The following ULK2 variants were observed in gnomAD, a reference collection of about 807,000 sequenced individuals.
ULK2 encodes unc-51 like autophagy activating kinase 2, also known as serine/threonine-protein kinase ULK2.
A neutral mutation model predicts 127.5 loss-of-function variants in ULK2; 76 were observed. The ratio of observed to expected loss-of-function variants is 0.60; its 90% CI spans 0.50 to 0.72. ULK2 has a LOEUF of 0.72. ULK2 is among the 30% of genes least tolerant of loss of function. ULK2 has a pLI of 0.00. For missense variants in ULK2, 1,144 were observed against 1,295.9 expected (o/e 0.88, Z 1.80); for synonymous variants, 452 against 461.9 (o/e 0.98, Z 0.28).
intron 2 of ULK2, among the ~76,000 whole-genome samples, chr17:19,865,280 T>G (rs281343): frequency 0.039 from 5,970 of 152,250 alleles, 308 homozygotes; most frequent in East Asian, 0.24. Context: ...CTCAACCATC[T>G]TCTCAAACCA....
chr17:19,857,829 C>G (rs752870188), intron 3 of ULK2, among the ~76,000 whole-genome samples: 2 of 152,176 alleles, frequency 1.3e-5, no homozygotes, highest in African/African-American at 2.4e-5. Flanking sequence ...ACACTATGCT[C>G]TCGCTCTCAT....
At chr17:19,858,243 T>C (rs894434437) in intron 3 of ULK2, among the ~76,000 whole-genome samples, 5 of 151,584 alleles carry the variant, frequency 3.3e-5, no homozygotes, top group African/African-American at 4.8e-5. Flanking sequence ...CTACAAAAAA[T>C]AGAAAAATTA....
intron 24 of ULK2, 135 bp from the exon 25 acceptor site, chr17:19,780,764 T>C (rs1369711419): frequency 5.5e-6 from 6 of 1,084,796 alleles, no homozygotes; most frequent in East Asian, 5.2e-5. Context: ...AGAAATAGGA[T>C]TTTTTCATGT....
At chr17:19,780,181 A>G (rs2086889769) in intron 25 of ULK2, among the ~76,000 whole-genome samples, 1 of 152,036 alleles carries the variant, frequency 6.6e-6, no homozygotes, top group African/African-American at 2.4e-5. Flanking sequence ...CAAGAAAAAA[A>G]AAAAAAGAAA....
At chr17:19,780,427 A>G (rs1167077381) in intron 25 of ULK2, 45 bp downstream of exon 25, 6 of 1,486,710 alleles carry the variant, frequency 4.0e-6, no homozygotes, top group Non-Finnish European at 4.5e-6. Flanking sequence ...AAAGACACTT[A>G]AAGATAAGTA....
In ULK2 at chr17:19,778,822, G is replaced by T. The variant is rs115380180; in HGVS notation, c.2917-1106C>A. ...TAAAGCAAATAAAATGGATACAGAA[G>T]ATCAGAGCCAGGACAAGGAAAAAGA... On this transcript the variant is annotated intron_variant, in intron 25 of 26. Coordinates refer to ENST00000395544, the MANE Select transcript of ULK2 (RefSeq NM_014683.4). Among the ~76,000 whole-genome samples the T allele has an allele frequency of 7.8e-3, 1,186 of 152,164 alleles. 21 individuals carry two copies. The highest frequency in any genetic ancestry group is 0.026 in the African/African-American group (1,097 of 41,506).
In ULK2 at chr17:19,826,184, CT is replaced by C; in HGVS notation, c.789del (p.Ala264HisfsTer13). 6.9e-7 allele frequency: 1 copy of C among 1,452,716 alleles called. No individual in the cohort carries two copies. The highest frequency in any genetic ancestry group is 1.4e-5 in the African/African-American group (1 of 70,448). 90.0% of individuals were successfully genotyped at this position (1,452,716 alleles called of 1,614,324 possible). A position where few individuals can be genotyped will look rare whatever the true frequency, so the allele number is the denominator to read the frequency against. On this transcript the variant is annotated frameshift_variant and splice_region_variant, in exon 11 of 27. Coordinates refer to ENST00000395544, the MANE Select transcript of ULK2 (RefSeq NM_014683.4). LOFTEE classifies it high-confidence loss of function. ...TCAAGAAAAGGATGGCTAAAAAATG[CT>C]TCTGTAACAAGAAATGAGAATGCAA... ...QRNQKDRMDF[E>X]AFFSHPFLEQ...
At chr17:19,816,987 C>G in intron 12 of ULK2, 67 bp from the exon 13 acceptor site, 1 of 1,447,222 alleles carries the variant, frequency 6.9e-7, no homozygotes, top group South Asian at 1.5e-5. Flanking sequence ...AGTGACTAGA[C>G]TAAGGAATTT....
At chr17:19,817,721 T>C (rs1378363225) in intron 12 of ULK2, among the ~76,000 whole-genome samples, 1 of 152,220 alleles carries the variant, frequency 6.6e-6, no homozygotes, top group Non-Finnish European at 1.5e-5. Flanking sequence ...AAGCCCCTAT[T>C]AACCTGTTTC....
chr17:19,814,449 T>TGTTGTTGTTGTTG (rs1567696658), intron 13 of ULK2, among the ~76,000 whole-genome samples: 1 of 52,890 alleles, frequency 1.9e-5, no homozygotes, highest in African/African-American at 7.8e-5. Context: ...TTTTTTTTTT[T>TGTTGTTGTTGTTG]TTTTTTTTTT....
At chr17:19,827,774 G>C (rs1006527547) in intron 10 of ULK2, among the ~76,000 whole-genome samples, 1 of 152,092 alleles carries the variant, frequency 6.6e-6, no homozygotes, top group Non-Finnish European at 1.5e-5. Context: ...AACAGGCATG[G>C]TGGCACATGC....
chr17:19,799,325 T>C (rs1041036999), intron 17 of ULK2, among the ~76,000 whole-genome samples, 170 bp downstream of exon 17: 3 of 152,080 alleles, frequency 2.0e-5, no homozygotes, highest in African/African-American at 7.2e-5. Flanking sequence ...AAGGAGGTAG[T>C]AGATTAGCTT....
chr17:19,818,152 C>T (rs2041040260), intron 12 of ULK2, among the ~76,000 whole-genome samples: 1 of 151,952 alleles, frequency 6.6e-6, no homozygotes, highest in South Asian at 2.1e-4. Flanking sequence ...GAAACCCCGT[C>T]TCTACTAAAA....
chr17:19,807,509 A>G (rs1168140504), intron 14 of ULK2, among the ~76,000 whole-genome samples: 2 of 152,210 alleles, frequency 1.3e-5, no homozygotes, highest in Non-Finnish European at 2.9e-5. Context: ...TATATTCCCT[A>G]CATGTACTGA....
chr17:19,818,781 A>G (rs944730502), intron 12 of ULK2, among the ~76,000 whole-genome samples: 1 of 135,846 alleles, frequency 7.4e-6, no homozygotes, highest in South Asian at 2.4e-4. Context: ...TCTCTTCTTC[A>G]TTTCTTTTCT....
At chr17:19,849,876 G>A in intron 3 of ULK2, 102 bp from the exon 4 acceptor site, 1 of 683,478 alleles carries the variant, frequency 1.5e-6, no homozygotes, top group Non-Finnish European at 2.4e-6. Flanking sequence ...ATTAAAACTG[G>A]TAAAATGAAA....
intron 10 of ULK2, among the ~76,000 whole-genome samples, chr17:19,834,084 C>G (rs1389276093): frequency 6.6e-6 from 1 of 152,020 alleles, no homozygotes; most frequent in Admixed American, 6.6e-5. Context: ...GACTCATCAC[C>G]TACTAGGGAA....
intron 3 of ULK2, among the ~76,000 whole-genome samples, chr17:19,855,337 G>C (rs1298375031): frequency 6.6e-6 from 1 of 151,816 alleles, no homozygotes; most frequent in Non-Finnish European, 1.5e-5. Context: ...CCGGGAGGCA[G>C]AGCTTGCAGT....
At chr17:19,790,393 G>A (rs972472211) in intron 20 of ULK2, among the ~76,000 whole-genome samples, 3 of 151,990 alleles carry the variant, frequency 2.0e-5, no homozygotes, top group Non-Finnish European at 2.9e-5. Context: ...CTCCAGCCTG[G>A]GTGACAAGAG....
Sources: allele counts gnomAD v4.1 joint callset (sites outside exome capture counted in the v4.1 genomes callset), GRCh38; gene constraint gnomAD v4.1.1; transcripts MANE v1.5; gene names NCBI Gene and HGNC (gene_info 2026-07-23, HGNC 2026-07-21).